FHIT: variants seen among roughly 807,000 people sequenced by gnomAD.
The protein encoded by FHIT is bis(5'-adenosyl)-triphosphatase.
In FHIT, 19 loss-of-function variants were observed where a neutral mutation model predicts 17.9. The ratio of observed to expected loss-of-function variants is 1.06; its 90% CI spans 0.74 to 1.56. The LOEUF is 1.56. Ranked by LOEUF, FHIT falls within the 40% of genes most tolerant of loss-of-function variation. The pLI is 0.00. For missense variants in FHIT, 248 were observed against 189.2 expected (o/e 1.31, Z -1.82); for synonymous variants, 81 against 69.7 (o/e 1.16, Z -0.81).
intron 2 of FHIT, among the ~76,000 whole-genome samples, chr3:61,140,029 A>AG (rs1165255176): frequency 6.6e-6 from 1 of 151,910 alleles, no homozygotes; most frequent in African/African-American, 2.4e-5. Flanking sequence ...AAGCAAAAAA[A>AG]AAAAAAAAAT....
intron 5 of FHIT, among the ~76,000 whole-genome samples, chr3:60,413,274 C>T (rs1191879208): frequency 1.3e-5 from 2 of 152,028 alleles, no homozygotes; most frequent in Admixed American, 1.3e-4. Context: ...TTAATAAATT[C>T]AGAAACTGTA....
intron 3 of FHIT, among the ~76,000 whole-genome samples, chr3:60,869,687 T>C (rs1553754618): frequency 6.6e-6 from 1 of 152,046 alleles, no homozygotes; most frequent in Non-Finnish European, 1.5e-5. Flanking sequence ...CTTACAAAGA[T>C]GGAAGATAGT....
At chr3:61,187,727 C>CT (rs1003371995) in intron 2 of FHIT, among the ~76,000 whole-genome samples, 1 of 152,232 alleles carries the variant, frequency 6.6e-6, no homozygotes, top group African/African-American at 2.4e-5. Flanking sequence ...TTAGAAGAAA[C>CT]TGTCTCTCAG....
intron 5 of FHIT, among the ~76,000 whole-genome samples, chr3:60,043,136 G>A (rs1701511951): frequency 6.6e-6 from 1 of 152,152 alleles, no homozygotes; most frequent in Non-Finnish European, 1.5e-5. Flanking sequence ...CCCTTGCATT[G>A]ACAGCTGGAC....
chr3:60,860,862 G>A lies in FHIT; in HGVS notation c.-110-38851C>T, dbSNP rs1311108551. Among the ~76,000 whole-genome samples, 43 of 84,906 alleles carry A rather than the reference G, an allele frequency of 5.1e-4. 8 individuals are homozygous for A. The highest frequency in any genetic ancestry group is 8.3e-4 in the East Asian group (3 of 3,614). 55.7% of individuals were successfully genotyped at this position (84,906 alleles called of 152,430 possible). ...ATATATCAGGTATATATGAACATAT[G>A]TACATATATATCATGTATATATGAA... On this transcript the variant is annotated intron_variant, in intron 3 of 9. Transcript: ENST00000492590.
intron 5 of FHIT, among the ~76,000 whole-genome samples, chr3:60,331,936 C>A (rs112455273): frequency 4.6e-5 from 7 of 151,950 alleles, no homozygotes; most frequent in African/African-American, 1.7e-4. Flanking sequence ...CATGATTCTC[C>A]CACATTATTA....
At chr3:60,677,116 A>T (rs1387027007) in intron 4 of FHIT, among the ~76,000 whole-genome samples, 1 of 152,022 alleles carries the variant, frequency 6.6e-6, no homozygotes, top group Non-Finnish European at 1.5e-5. Flanking sequence ...GGCTCAATTG[A>T]TCTGCCCGCC....
chr3:60,673,210 T>A (rs1273956225), intron 4 of FHIT, among the ~76,000 whole-genome samples: 9 of 152,194 alleles, frequency 5.9e-5, no homozygotes, highest in Non-Finnish European at 1.3e-4. Flanking sequence ...TTAATCTGTT[T>A]CCATTTGCTT....
At chr3:60,883,450 A>T (rs1447029551) in intron 3 of FHIT, among the ~76,000 whole-genome samples, 1 of 152,184 alleles carries the variant, frequency 6.6e-6, no homozygotes, top group African/African-American at 2.4e-5. Context: ...GTAGCACATT[A>T]TCTGACTTTA....
Position 59,748,795 on chromosome 3 carries a change from T to C in FHIT, c.*790A>G, listed in dbSNP as rs141085122. Among the ~76,000 whole-genome samples, 1 of 152,266 alleles carries C rather than the reference T, an allele frequency of 6.6e-6. No homozygotes were observed. The highest frequency in any genetic ancestry group is 1.9e-4 in the East Asian group (1 of 5,178). On this transcript the variant is annotated 3_prime_UTR_variant, in exon 10 of 10. Transcript: ENST00000492590. ...CTTACCGTTGGCCTTGAACTAATAA[T>C]ACTTAACATCCTTAAGCCTTAGTTT...
chr3:59,780,585 ATTTG>A (rs1379698505), intron 8 of FHIT, among the ~76,000 whole-genome samples: 1 of 152,148 alleles, frequency 6.6e-6, no homozygotes, highest in African/African-American at 2.4e-5. Flanking sequence ...CAGTTAAGAT[ATTTG>A]TTAGTAGGGC....
chr3:59,752,239 ACC>A lies in FHIT; in HGVS notation c.429_430del (p.Val144LeufsTer12). On this transcript the variant is annotated frameshift_variant, in exon 9 of 10. Coordinates refer to ENST00000492590, the MANE Select transcript of FHIT (RefSeq NM_002012.4). LOFTEE classifies it high-confidence loss of function. ...TCTTTACCTGTGTCACTGAAAGTAG[ACC>A]CGCAGAGCTGCGGCTTCTGCTGCCA... is the stretch of plus-strand genomic sequence containing the variant. 1.2e-6 allele frequency: 2 copies of A among 1,612,674 alleles called. No homozygotes were observed. Among genetic ancestry groups the A allele is most frequent in the Non-Finnish European group, 1.7e-6 (2 of 1,179,168 alleles).
At chr3:60,218,195 G>A (rs571903503) in intron 5 of FHIT, among the ~76,000 whole-genome samples, 1 of 152,232 alleles carries the variant, frequency 6.6e-6, no homozygotes, top group South Asian at 2.1e-4. Context: ...AGATCGAAAA[G>A]TTTAAGAACC....
intron 5 of FHIT, among the ~76,000 whole-genome samples, chr3:60,471,288 C>T (rs916276771): frequency 3.3e-5 from 5 of 152,194 alleles, no homozygotes; most frequent in African/African-American, 9.7e-5. Flanking sequence ...CAGGACTTTC[C>T]TTGCAGTCCT....
intron 7 of FHIT, among the ~76,000 whole-genome samples, chr3:59,932,819 TAA>T (rs1193054788): frequency 1.3e-5 from 2 of 152,200 alleles, no homozygotes; most frequent in East Asian, 3.9e-4. Context: ...AAGGAAAGAA[TAA>T]GAGTAGTTAC....
chr3:60,067,617 G>C (rs184937613), intron 5 of FHIT, among the ~76,000 whole-genome samples: 1 of 152,162 alleles, frequency 6.6e-6, no homozygotes, highest in African/African-American at 2.4e-5. Flanking sequence ...TTGTTGTTTG[G>C]TGGATATTGA....
chr3:59,850,882 G>A (rs1464864471), intron 8 of FHIT, among the ~76,000 whole-genome samples: 1 of 152,182 alleles, frequency 6.6e-6, no homozygotes, highest in Non-Finnish European at 1.5e-5. Context: ...CAACCTAAAA[G>A]CCTGATTGTA....
chr3:60,368,600 T>G (rs1287916452), intron 5 of FHIT, among the ~76,000 whole-genome samples: 2 of 152,168 alleles, frequency 1.3e-5, no homozygotes, highest in African/African-American at 4.8e-5. Context: ...TTTCAAGTAT[T>G]TTCCTCCAGT....
chr3:59,925,179 C>A (rs1438270932), intron 7 of FHIT, among the ~76,000 whole-genome samples: 4 of 152,184 alleles, frequency 2.6e-5, no homozygotes, highest in South Asian at 4.2e-4. Context: ...TCATAGCTCA[C>A]TGCAGCCTTC....
Sources: allele counts gnomAD v4.1 joint callset (sites outside exome capture counted in the v4.1 genomes callset), GRCh38; gene constraint gnomAD v4.1.1; transcripts MANE v1.5; gene names NCBI Gene and HGNC (gene_info 2026-07-23, HGNC 2026-07-21).